Variants in CUL3 observed in about 807,000 individuals in gnomAD.
CUL3 encodes cullin-3.
CUL3 carries 19 observed loss-of-function variants against 89.1 expected under a neutral mutation model. The ratio of observed to expected loss-of-function variants is 0.21; its 90% CI spans 0.15 to 0.31. The LOEUF is 0.31. Among genes scored for constraint, CUL3 ranks in the 10% least tolerant of loss-of-function variants. The pLI is 1.00. For missense variants in CUL3, 469 were observed against 942.3 expected (o/e 0.50, Z 6.58); for synonymous variants, 351 against 308.4 (o/e 1.14, Z -1.45).
At chr2:224,510,990 A>AT (rs1692803270) in intron 6 of CUL3, among the ~76,000 whole-genome samples, 1 of 152,210 alleles carries the variant, frequency 6.6e-6, no homozygotes, top group African/African-American at 2.4e-5. Context: ...TAAGAGAATC[A>AT]CAAAACCCCA....
intron 1 of CUL3, among the ~76,000 whole-genome samples, chr2:224,580,550 G>A (rs1382172271): frequency 6.6e-6 from 1 of 152,178 alleles, no homozygotes; most frequent in African/African-American, 2.4e-5. Flanking sequence ...CAGACGTGGT[G>A]GCGCAAACCG....
intron 1 of CUL3, among the ~76,000 whole-genome samples, chr2:224,573,497 A>G (rs570187853): frequency 3.3e-5 from 5 of 152,354 alleles, no homozygotes; most frequent in Non-Finnish European, 7.4e-5. Flanking sequence ...ACTTTTATAA[A>G]TGGTCCATTT....
chr2:224,557,764 A>G lies in CUL3; in HGVS notation c.159T>C (p.Ser53=). The G allele has an allele frequency of 6.2e-7, 1 of 1,611,088 alleles. No individual in the cohort carries two copies. The highest frequency in any genetic ancestry group is 8.5e-7 in the Non-Finnish European group (1 of 1,177,708). The part of the protein sequence containing the change: ...EIQRKNNSGL[S]FEELYRNAYT... ...ATGCATTTCTATAGAGCTCCTCAAAACTAAGACCACTGTTATTCTTACGCT... is the reference window on the plus strand; with the variant it reads ...ATGCATTTCTATAGAGCTCCTCAAAGCTAAGACCACTGTTATTCTTACGCT... Residue 53 remains serine, a synonymous_variant, in exon 2 of 16, where the codon AGT becomes AGC. Transcript: ENST00000264414.
In CUL3 at chr2:224,581,970, A is replaced by AT. The variant is rs576382347; in HGVS notation, c.66+2973dup. Among the ~76,000 whole-genome samples the AT allele has an allele frequency of 5.9e-4, 86 of 145,252 alleles. No homozygotes were observed. The Middle Eastern group carries it at 0.012, about 19-fold the overall frequency. On this transcript the variant is annotated intron_variant, in intron 1 of 15. Transcript: ENST00000264414. ...ATGTACATATGTATAACCATAAACA[A>AT]TTTTTTTTTTTGAGACAGAGTTTCG...
chr2:224,546,516 C>T lies in CUL3; in HGVS notation c.265-10875G>A, dbSNP rs573467664. Among the ~76,000 whole-genome samples the T allele has an allele frequency of 3.7e-4, 57 of 152,214 alleles. 2 individuals are homozygous for T. In the South Asian group the frequency reaches 9.5e-3, roughly 25 times the overall value. Reference sequence around the variant, plus strand: ...TGAACCAAGGTGGTTTCCATTTTGACTGCTGGTAGTATTCTCAAAGATTCA... The same window carrying T: ...TGAACCAAGGTGGTTTCCATTTTGATTGCTGGTAGTATTCTCAAAGATTCA... On this transcript the variant is annotated intron_variant, in intron 2 of 15. Transcript: ENST00000264414.
chr2:224,493,209 G>A (rs1692049854), intron 13 of CUL3, among the ~76,000 whole-genome samples: 1 of 152,036 alleles, frequency 6.6e-6, no homozygotes, highest in African/African-American at 2.4e-5. Context: ...TTCGTCATGT[G>A]GCATTAAACA....
intron 2 of CUL3, among the ~76,000 whole-genome samples, chr2:224,536,087 C>A (rs1693887298): frequency 6.6e-6 from 1 of 152,160 alleles, no homozygotes; most frequent in Non-Finnish European, 1.5e-5. Flanking sequence ...AACTGGGTGA[C>A]CTGGGATAAA....
At chr2:224,553,853 G>C (rs927798253) in intron 2 of CUL3, among the ~76,000 whole-genome samples, 3 of 152,136 alleles carry the variant, frequency 2.0e-5, no homozygotes, top group Admixed American at 6.5e-5. Context: ...TAAGCCACCT[G>C]GTTTATGGGA....
At chr2:224,511,272 T>C in intron 6 of CUL3, 82 bp downstream of exon 6, 2 of 974,426 alleles carry the variant, frequency 2.1e-6, no homozygotes. Context: ...GCTGATATTA[T>C]CTGCTTTAAT....
intron 3 of CUL3, among the ~76,000 whole-genome samples, chr2:224,529,476 A>T (rs1165147614): frequency 1.3e-5 from 2 of 151,454 alleles, no homozygotes; most frequent in South Asian, 4.2e-4. Context: ...AAAAAAAAAA[A>T]AAATTAGCCG....
intron 13 of CUL3, among the ~76,000 whole-genome samples, chr2:224,487,957 A>G (rs1439995585): frequency 6.6e-6 from 1 of 152,198 alleles, no homozygotes; most frequent in East Asian, 1.9e-4. Flanking sequence ...TCAAAACTGT[A>G]CAACTACATG....
chr2:224,472,761 TGGA>T lies in CUL3; in HGVS notation c.*1481_*1483del, dbSNP rs1429672190. ...AGACGCATGGGGAAAAATATTTATG[TGGA>T]GTTTTTAATCCATATTAGAATTCAG... On this transcript the variant is annotated 3_prime_UTR_variant, in exon 16 of 16. Coordinates refer to ENST00000264414, the MANE Select transcript of CUL3 (RefSeq NM_003590.5). 1 of 196,974 alleles carries T rather than the reference TGGA, an allele frequency of 5.1e-6. No homozygotes were observed. Among genetic ancestry groups the T allele is most frequent in the Non-Finnish European group, 1.1e-5 (1 of 94,766 alleles). The allele number at this position is 196,974 out of a possible 1,614,324, so 12.2% of individuals were successfully genotyped here. A position where few individuals can be genotyped will look rare whatever the true frequency, so the allele number is the denominator to read the frequency against.
chr2:224,576,436 C>A (rs1695299728), intron 1 of CUL3, among the ~76,000 whole-genome samples: 1 of 152,286 alleles, frequency 6.6e-6, no homozygotes, highest in African/African-American at 2.4e-5. Flanking sequence ...GCCACATGAT[C>A]TTTAACGACC....
chr2:224,482,474 TTAG>T (rs1691569910), intron 13 of CUL3, among the ~76,000 whole-genome samples: 1 of 152,112 alleles, frequency 6.6e-6, no homozygotes. Context: ...ACTCTTTTGC[TTAG>T]TAATTTCTTT....
intron 7 of CUL3, among the ~76,000 whole-genome samples, chr2:224,506,354 A>T (rs556679784): frequency 2.3e-4 from 35 of 152,282 alleles, no homozygotes; most frequent in Non-Finnish European, 4.6e-4. Flanking sequence ...ATACAATGCA[A>T]ACGAACCAAA....
At position 224,497,747 on chromosome 2, in the gene CUL3, AT is replaced by A. The variant is rs938492943; in HGVS notation, c.1707+5del. 8 of 1,601,956 alleles carry A rather than the reference AT, an allele frequency of 5.0e-6. No individual in the cohort carries two copies. The highest frequency in any genetic ancestry group is 3.3e-5 in the Admixed American group (2 of 59,954). The stretch of plus-strand genomic sequence containing the variant: ...TACTTAATACGTTCAAACTATCAAT[AT>A]TTACCTTTTTAACTGGTCCATAAAA... On this transcript the variant is annotated splice_donor_5th_base_variant and intron_variant, in intron 12 of 15. Transcript: ENST00000264414.
intron 6 of CUL3, 22 bp from the exon 7 acceptor site, chr2:224,507,025 T>C (rs1334440371): frequency 6.2e-7 from 1 of 1,602,600 alleles, no homozygotes; most frequent in Non-Finnish European, 8.5e-7. Context: ...AAAACACAAA[T>C]TGGCTACATT....
At chr2:224,532,052 A>G (rs1693714551) in intron 3 of CUL3, among the ~76,000 whole-genome samples, 1 of 152,252 alleles carries the variant, frequency 6.6e-6, no homozygotes, top group Non-Finnish European at 1.5e-5. Flanking sequence ...AGGTTTCAGT[A>G]TGATAGTGAT....
In CUL3 at chr2:224,543,060, T is replaced by A. The variant is rs534443432; in HGVS notation, c.265-7419A>T. On this transcript the variant is annotated intron_variant, in intron 2 of 15. Coordinates refer to ENST00000264414, the MANE Select transcript of CUL3 (RefSeq NM_003590.5). ...AATTTTTTCACACTCTACATTTCAA[T>A]GCCTGGGGCAAAATCCCAGCCAGCC... is the stretch of plus-strand genomic sequence containing the variant. Among the ~76,000 whole-genome samples, 44 of 152,350 alleles carry A rather than the reference T, an allele frequency of 2.9e-4. 1 individual carries two copies. The highest frequency in any genetic ancestry group is 3.9e-4 in the Admixed American group (6 of 15,304).
Sources: allele counts gnomAD v4.1 joint callset (sites outside exome capture counted in the v4.1 genomes callset), GRCh38; gene constraint gnomAD v4.1.1; transcripts MANE v1.5; gene names NCBI Gene and HGNC (gene_info 2026-07-23, HGNC 2026-07-21).